LMNTD1: variants seen among roughly 807,000 people sequenced by gnomAD.
The protein encoded by LMNTD1 is lamin tail domain containing 1, also known as lamin tail domain-containing protein 1.
LMNTD1 carries 35 observed loss-of-function variants against 50.9 expected under a neutral mutation model. The observed-to-expected ratio is 0.69, with a 90% CI of 0.53 to 0.91. The LOEUF is 0.91. Ranked by LOEUF, LMNTD1 falls within the 40% of genes least tolerant of loss-of-function variation. LMNTD1 has a pLI of 0.00. For synonymous variants in LMNTD1, 153 were observed against 161.9 expected (o/e 0.94, Z 0.42); for missense variants, 470 against 475.5 (o/e 0.99, Z 0.11).
At chr12:25,618,273 T>C (rs1344606409) in intron 1 of LMNTD1, among the ~76,000 whole-genome samples, 1 of 152,206 alleles carries the variant, frequency 6.6e-6, no homozygotes, top group Non-Finnish European at 1.5e-5. Flanking sequence ...TGCCAGGCTA[T>C]ACCCTTGGGA....
intron 1 of LMNTD1, among the ~76,000 whole-genome samples, chr12:25,601,627 T>G (rs1945978475): frequency 6.6e-6 from 1 of 151,728 alleles, no homozygotes; most frequent in Non-Finnish European, 1.5e-5. Context: ...AAATAAAAAT[T>G]TTTTTTAATC....
intron 1 of LMNTD1, among the ~76,000 whole-genome samples, chr12:25,630,065 G>A (rs1023986283): frequency 3.3e-5 from 5 of 152,122 alleles, no homozygotes; most frequent in African/African-American, 1.2e-4. Context: ...TAAAACCATT[G>A]CCACTTTTGG....
chr12:25,518,132 C>T (rs1705415), intron 8 of LMNTD1, among the ~76,000 whole-genome samples: 112,595 of 152,024 alleles, frequency 0.74, 42,632 homozygotes, highest in East Asian at 0.88. Flanking sequence ...TGCTGGTGTA[C>T]TAAACAGGCT....
intron 1 of LMNTD1, among the ~76,000 whole-genome samples, chr12:25,575,332 G>T (rs1384996259): frequency 6.6e-6 from 1 of 152,078 alleles, no homozygotes; most frequent in Non-Finnish European, 1.5e-5. Flanking sequence ...ACACACTATT[G>T]GTGTGATGAA....
intron 1 of LMNTD1, among the ~76,000 whole-genome samples, chr12:25,583,468 AAT>A (rs1945394586): frequency 6.6e-6 from 1 of 152,022 alleles, no homozygotes; most frequent in African/African-American, 2.4e-5. Context: ...CCTGGCCAAA[AAT>A]ATCTTTAGAC....
chr12:25,549,377 A>C lies in LMNTD1; in HGVS notation c.259T>G (p.Leu87Val). The change falls in exon 3 of 10, where the codon TTG (leucine) becomes GTG (valine). Residue 87 changes from leucine (L) to valine (V), a missense_variant. Physicochemically the swap from Leu to Val is conservative, Grantham distance 32. Transcript: ENST00000458174. ...SRVTISTTGQ[L>V]TSKATVGSCS... ...CTACCTACAGTAGCTTTAGAAGTCAATTGTCCAGTTGTTGATATAGTTACT... is the reference window on the plus strand; with the variant it reads ...CTACCTACAGTAGCTTTAGAAGTCACTTGTCCAGTTGTTGATATAGTTACT... 1 of 1,612,960 alleles carries C rather than the reference A, an allele frequency of 6.2e-7. No homozygotes were observed. Among genetic ancestry groups the C allele is most frequent in the Non-Finnish European group, 8.5e-7 (1 of 1,179,258 alleles).
intron 6 of LMNTD1, among the ~76,000 whole-genome samples, chr12:25,524,925 G>A (rs1941598894): frequency 6.6e-6 from 1 of 152,144 alleles, no homozygotes; most frequent in African/African-American, 2.4e-5. Context: ...CCCGCAGAAA[G>A]ACAGTAAATG....
At chr12:25,493,582 G>T (rs1319945884) in intron 9 of LMNTD1, among the ~76,000 whole-genome samples, 2 of 152,172 alleles carry the variant, frequency 1.3e-5, no homozygotes, top group Non-Finnish European at 2.9e-5. Flanking sequence ...GATTCAATGG[G>T]TCCACCAACT....
At chr12:25,498,048 A>C (rs1466920257) in intron 9 of LMNTD1, among the ~76,000 whole-genome samples, 1 of 152,156 alleles carries the variant, frequency 6.6e-6, no homozygotes, top group East Asian at 1.9e-4. Context: ...TGCTATATAA[A>C]TATACATGAA....
At chr12:25,573,813 C>G (rs1360444798) in intron 1 of LMNTD1, among the ~76,000 whole-genome samples, 2 of 152,116 alleles carry the variant, frequency 1.3e-5, no homozygotes, top group African/African-American at 4.8e-5. Flanking sequence ...TAATCTTCAC[C>G]TACCACATGA....
At chr12:25,564,958 A>C (rs1245814318) in intron 1 of LMNTD1, among the ~76,000 whole-genome samples, 2 of 151,882 alleles carry the variant, frequency 1.3e-5, no homozygotes, top group African/African-American at 2.4e-5. Context: ...TGCTGAATTG[A>C]CCCCTTTATC....
chr12:25,518,653 T>C, intron 8 of LMNTD1, 142 bp downstream of exon 8: 1 of 705,432 alleles, frequency 1.4e-6, no homozygotes, highest in Non-Finnish European at 2.4e-6. Context: ...TGGTTAACAA[T>C]ACTTCCTTTA....
At position 25,542,129 on chromosome 12, in the gene LMNTD1, GTAAAC is replaced by G. The variant is rs772471091; in HGVS notation, c.491+4240_491+4244del. On this transcript the variant is annotated intron_variant, in intron 4 of 9. Coordinates refer to ENST00000458174, the MANE Select transcript of LMNTD1 (RefSeq NM_001145728.2). ...ACACTTTTACACTGTTGGTGGGACT[GTAAAC>G]TAGTTCAACCATTGTGGAAGTCAGT... Among the ~76,000 whole-genome samples the G allele has an allele frequency of 8.8e-4, 133 of 151,216 alleles. 1 individual carries two copies. Among genetic ancestry groups the G allele is most frequent in the Middle Eastern group, 3.4e-3 (1 of 292 alleles).
At chr12:25,610,001 G>A (rs902220422) in intron 1 of LMNTD1, among the ~76,000 whole-genome samples, 12 of 152,250 alleles carry the variant, frequency 7.9e-5, no homozygotes, top group African/African-American at 2.6e-4. Flanking sequence ...GGGCCCCACC[G>A]AGTTCAAGCT....
intron 1 of LMNTD1, among the ~76,000 whole-genome samples, chr12:25,566,202 C>T (rs1944550877): frequency 6.6e-6 from 1 of 152,126 alleles, no homozygotes; most frequent in Admixed American, 6.5e-5. Context: ...TCTTTCTCTA[C>T]CTCCTCTTTG....
intron 1 of LMNTD1, among the ~76,000 whole-genome samples, chr12:25,622,746 C>T (rs1016440071): frequency 1.3e-5 from 2 of 152,028 alleles, no homozygotes; most frequent in Non-Finnish European, 2.9e-5. Context: ...CAGAGATGAT[C>T]CCTCTGAAGC....
chr12:25,533,893 G>A, intron 4 of LMNTD1, among the ~76,000 whole-genome samples: 1 of 152,174 alleles, frequency 6.6e-6, no homozygotes, highest in East Asian at 1.9e-4. Flanking sequence ...AACCATTCGT[G>A]TGTTTATCAT....
At chr12:25,586,851 A>G (rs189853328) in intron 1 of LMNTD1, among the ~76,000 whole-genome samples, 2 of 152,336 alleles carry the variant, frequency 1.3e-5, no homozygotes, top group Non-Finnish European at 2.9e-5. Flanking sequence ...AAATTCCACA[A>G]CATCTTGGAG....
At chr12:25,600,500 A>T (rs147340959) in intron 1 of LMNTD1, among the ~76,000 whole-genome samples, 5 of 152,086 alleles carry the variant, frequency 3.3e-5, no homozygotes, top group African/African-American at 1.2e-4. Flanking sequence ...CAATCAACAA[A>T]GTGAAGAGAC....
Sources: gnomAD v4.1 joint callset for allele counts (sites outside exome capture counted in the v4.1 genomes callset) on GRCh38, gnomAD v4.1.1 for gene constraint, MANE v1.5 for transcripts, NCBI Gene and HGNC (gene_info 2026-07-23, HGNC 2026-07-21) for gene names.